The following ADGRG2 variants were observed in gnomAD, a reference collection of about 807,000 sequenced individuals.
ADGRG2 encodes the protein G protein-coupled receptor 64.
A neutral mutation model predicts 74.1 loss-of-function variants in ADGRG2; 26 were observed. The ratio of observed to expected loss-of-function variants is 0.35; its 90% CI spans 0.26 to 0.49. The LOEUF is 0.49. Among genes scored for constraint, ADGRG2 ranks in the 20% least tolerant of loss-of-function variants. The pLI, the probability that ADGRG2 is intolerant of heterozygous loss-of-function variation, is 0.99. For synonymous variants in ADGRG2, 296 were observed against 295.2 expected (o/e 1.00, Z -0.03); for missense variants, 619 against 763.1 (o/e 0.81, Z 2.22).
chrX:19,006,857 C>T (rs758903569), intron 20 of ADGRG2, among the ~76,000 whole-genome samples: 8 of 104,842 alleles, frequency 7.6e-5, no homozygotes, highest in African/African-American at 2.8e-4. Flanking sequence ...CTCCCGGGCT[C>T]GTGATCCTCC....
At chrX:19,075,437 C>T (rs748022165) in intron 2 of ADGRG2, among the ~76,000 whole-genome samples, 26 of 107,789 alleles carry the variant, frequency 2.4e-4, no homozygotes, top group Non-Finnish European at 3.6e-4. Context: ...CCTAACGAGG[C>T]GGAACCCCCG....
At chrX:19,086,994 C>T (rs2061944955) in intron 1 of ADGRG2, among the ~76,000 whole-genome samples, 1 of 111,034 alleles carries the variant, frequency 9.0e-6, no homozygotes, top group South Asian at 3.9e-4. Flanking sequence ...AAACAAATTG[C>T]CCAAATGGAG....
intron 2 of ADGRG2, among the ~76,000 whole-genome samples, chrX:19,077,254 C>T (rs922356928): frequency 1.9e-5 from 2 of 104,688 alleles, no homozygotes; most frequent in African/African-American, 7.1e-5. Flanking sequence ...CCCAACACTT[C>T]GGGAGGCCGA....
Position 19,033,921 on chromosome X carries a change from T to C in ADGRG2, c.263-267A>G, listed in dbSNP as rs1601945091. The C allele has an allele frequency of 2.9e-5, 6 of 205,306 alleles. No individual in the cohort carries two copies. The East Asian group carries it at 6.0e-4, about 20-fold the overall frequency. 16.9% of individuals were successfully genotyped at this position (205,306 alleles called of 1,213,427 possible). On this transcript the variant is annotated intron_variant, in intron 7 of 28. Transcript: ENST00000379869. Reference sequence around the variant, plus strand: ...ACACACCCCACTGCCTGTGTAATTCTACTTTACTTTCCACACACTGCTGCT... The same window carrying C: ...ACACACCCCACTGCCTGTGTAATTCCACTTTACTTTCCACACACTGCTGCT...
At chrX:19,013,231 T>G (rs1403848701) in intron 16 of ADGRG2, among the ~76,000 whole-genome samples, 3 of 111,687 alleles carry the variant, frequency 2.7e-5, no homozygotes, top group African/African-American at 9.8e-5. Context: ...CTGCTATGTT[T>G]AATAGATCAA....
chrX:19,069,387 G>A (rs1282635541), intron 2 of ADGRG2, among the ~76,000 whole-genome samples: 1 of 110,114 alleles, frequency 9.1e-6, no homozygotes, highest in Non-Finnish European at 1.9e-5. Context: ...ACGGAGTTTC[G>A]CTCTTGTATG....
chrX:19,121,278 C>A (rs957656519), intron 1 of ADGRG2, among the ~76,000 whole-genome samples: 2 of 111,561 alleles, frequency 1.8e-5, no homozygotes, highest in Non-Finnish European at 3.8e-5. Context: ...TGCTTCTGTA[C>A]CCCATTGGGG....
At chrX:19,067,532 A>G (rs1602047659) in intron 3 of ADGRG2, among the ~76,000 whole-genome samples, 1 of 112,339 alleles carries the variant, frequency 8.9e-6, no homozygotes, top group African/African-American at 3.2e-5. Context: ...AGCTAAAACT[A>G]TAAAATTCTT....
intron 26 of ADGRG2, among the ~76,000 whole-genome samples, chrX:18,997,354 A>G (rs1381729232): frequency 2.7e-5 from 3 of 112,156 alleles, no homozygotes; most frequent in Non-Finnish European, 5.6e-5. Context: ...TTCATATTCT[A>G]ATGAGAAGAT....
At chrX:19,096,957 C>A (rs1289897855) in intron 1 of ADGRG2, among the ~76,000 whole-genome samples, 1 of 112,495 alleles carries the variant, frequency 8.9e-6, no homozygotes, top group African/African-American at 3.2e-5. Flanking sequence ...GGGCACCAGG[C>A]ACTCTGCAAA....
chrX:19,109,053 GAAGA>G (rs922761452), intron 1 of ADGRG2, among the ~76,000 whole-genome samples: 3 of 110,398 alleles, frequency 2.7e-5, no homozygotes, highest in African/African-American at 9.9e-5. Context: ...AGAAGAAGAA[GAAGA>G]AAGAAGAAGG....
intron 1 of ADGRG2, among the ~76,000 whole-genome samples, chrX:19,092,746 G>C (rs2062033866): frequency 8.9e-6 from 1 of 112,026 alleles, no homozygotes; most frequent in Non-Finnish European, 1.9e-5. Context: ...ACCTAGTCCA[G>C]GAGTTGTCTG....
At chrX:19,120,898 T>C (rs1295279196) in intron 1 of ADGRG2, among the ~76,000 whole-genome samples, 1 of 112,248 alleles carries the variant, frequency 8.9e-6, no homozygotes, top group African/African-American at 3.2e-5. Flanking sequence ...TTTGAAATAG[T>C]TGACATATTT....
chrX:19,059,767 G>A (rs2061459975), intron 3 of ADGRG2, among the ~76,000 whole-genome samples: 1 of 107,347 alleles, frequency 9.3e-6, no homozygotes, highest in South Asian at 4.3e-4. Context: ...TAAAGAATCT[G>A]TCTTTAGTAC....
At chrX:19,044,012 C>T (rs1026165475) in intron 3 of ADGRG2, among the ~76,000 whole-genome samples, 8 of 111,459 alleles carry the variant, frequency 7.2e-5, no homozygotes, top group African/African-American at 2.6e-4. Flanking sequence ...GCTGCTGTAC[C>T]ATTAACTTAC....
At chrX:19,054,994 C>T (rs1025950322) in intron 3 of ADGRG2, among the ~76,000 whole-genome samples, 1 of 111,776 alleles carries the variant, frequency 8.9e-6, no homozygotes, top group African/African-American at 3.3e-5. Flanking sequence ...TGCAGGATAT[C>T]CATACTGCCA....
At chrX:19,042,612 AG>A (rs1046051457) in intron 3 of ADGRG2, among the ~76,000 whole-genome samples, 2 of 111,656 alleles carry the variant, frequency 1.8e-5, no homozygotes, top group African/African-American at 6.5e-5. Context: ...CAGAGAAGGA[AG>A]TTTTCTGGGA....
chrX:19,100,098 C>T (rs2062162917), intron 1 of ADGRG2, among the ~76,000 whole-genome samples: 1 of 111,863 alleles, frequency 8.9e-6, no homozygotes, highest in Non-Finnish European at 1.9e-5. Context: ...ATAATAACCC[C>T]TTCAAGCCTC....
intron 23 of ADGRG2, among the ~76,000 whole-genome samples, chrX:19,003,429 T>A: frequency 8.9e-6 from 1 of 112,087 alleles, no homozygotes; most frequent in Non-Finnish European, 1.9e-5. Flanking sequence ...GTGTTGGGAT[T>A]ACAGGCATGA....
Sources: allele counts gnomAD v4.1 joint callset (sites outside exome capture counted in the v4.1 genomes callset), GRCh38; gene constraint gnomAD v4.1.1; transcripts MANE v1.5; gene names NCBI Gene and HGNC (gene_info 2026-07-23, HGNC 2026-07-21).